Variants in DHRS9 observed in about 807,000 individuals in gnomAD.
The protein encoded by DHRS9 is dehydrogenase/reductase SDR family member 9.
A neutral mutation model predicts 26.6 loss-of-function variants in DHRS9; 18 were observed. That is an observed-to-expected ratio of 0.68 (90% confidence interval 0.47 to 1.00). The LOEUF (loss-of-function observed/expected upper bound fraction) is 1.00. Ranked by LOEUF, DHRS9 falls within the 50% of genes least tolerant of loss-of-function variation. DHRS9 has a pLI of 0.00. For synonymous variants in DHRS9, 134 were observed against 141.1 expected, an observed-to-expected ratio of 0.95 and a Z score of 0.36; for missense variants, 425 against 378.7, an observed-to-expected ratio of 1.12 and a Z score of -1.01.
intron 1 of DHRS9, among the ~76,000 whole-genome samples, chr2:169,079,906 G>A (rs369761969): frequency 4.1e-5 from 3 of 72,366 alleles, no homozygotes; most frequent in African/African-American, 1.7e-4. Context: ...AGGGAGGGAG[G>A]GAGGGAGGGA....
At chr2:169,092,717 G>C (rs1246649921) in intron 4 of DHRS9, among the ~76,000 whole-genome samples, 2 of 152,142 alleles carry the variant, frequency 1.3e-5, no homozygotes, top group Non-Finnish European at 2.9e-5. Context: ...GAAGACACCA[G>C]GAGCCTTCCT....
intron 4 of DHRS9, among the ~76,000 whole-genome samples, chr2:169,094,494 C>A (rs1027254946): frequency 2.7e-5 from 4 of 150,552 alleles, no homozygotes; most frequent in African/African-American, 9.7e-5. Context: ...CCAAAGAAAT[C>A]ATTGCCCAGA....
chr2:169,078,289 G>T (rs552631043), intron 1 of DHRS9, among the ~76,000 whole-genome samples: 20 of 152,080 alleles, frequency 1.3e-4, no homozygotes, highest in South Asian at 2.1e-4. Flanking sequence ...TGACTCCCTC[G>T]TGCATGCCCC....
At chr2:169,070,085 T>G (rs566071019) in intron 1 of DHRS9, 4 of 985,418 alleles carry the variant, frequency 4.1e-6, no homozygotes, top group East Asian at 2.3e-4. Flanking sequence ...ACAGGATTCT[T>G]AGATGAGTTT....
intron 1 of DHRS9, among the ~76,000 whole-genome samples, chr2:169,077,921 C>T (rs981414908): frequency 6.6e-6 from 1 of 152,220 alleles, no homozygotes; most frequent in Non-Finnish European, 1.5e-5. Flanking sequence ...GTAGCCACAA[C>T]TATTTCAGAT....
chr2:169,073,203 A>G (rs1174878553), intron 1 of DHRS9, among the ~76,000 whole-genome samples: 1 of 152,212 alleles, frequency 6.6e-6, no homozygotes, highest in Non-Finnish European at 1.5e-5. Flanking sequence ...GTATATGCAG[A>G]GCCCAGAGTT....
rs940193842 is a variant in DHRS9 at position 169,095,599 on chromosome 2, G to A, written c.792G>A (p.Val264=). Residue 264 remains valine, a synonymous_variant, in exon 5 of 5, where the codon GTG becomes GTA. Transcript: ENST00000674881. ...KSYVNMDLSP[V]VECMDHALTS... ...ATGTGAACATGGACCTCTCTCCGGT[G>A]GTAGAGTGCATGGACCACGCTCTAA... The A allele has an allele frequency of 1.2e-6, 2 of 1,613,888 alleles. No homozygotes were observed. Among genetic ancestry groups the A allele is most frequent in the Admixed American group, 1.7e-5 (1 of 59,990 alleles).
intron 1 of DHRS9, among the ~76,000 whole-genome samples, chr2:169,072,315 A>T (rs1683832265): frequency 6.6e-6 from 1 of 152,094 alleles, no homozygotes. Context: ...GATTCTACAA[A>T]CTCCTGACAG....
rs79762330 is a variant in DHRS9, at chr2:169,088,169, T to C, written c.573-3621T>C. ...TTGCTGGCACTCAGGTTCCAGCTAC[T>C]GAAATGGGCAATTCCTCCTCCGGCT... is the stretch of plus-strand genomic sequence containing the variant. On this transcript the variant is annotated intron_variant, in intron 3 of 4. Coordinates refer to ENST00000674881, the MANE Select transcript of DHRS9 (RefSeq NM_001376924.1). 2.3e-3 allele frequency among the ~76,000 whole-genome samples: 347 copies of C among 152,342 alleles called. 8 individuals carry two copies. In the East Asian group the frequency reaches 0.059, roughly 26 times the overall value.
At chr2:169,078,905 C>T (rs1172131164) in intron 1 of DHRS9, among the ~76,000 whole-genome samples, 1 of 146,992 alleles carries the variant, frequency 6.8e-6, no homozygotes, top group African/African-American at 2.5e-5. Flanking sequence ...CTCACTACAA[C>T]CTCCACCTTC....
chr2:169,085,315 G>A (rs1684317271), intron 3 of DHRS9, among the ~76,000 whole-genome samples: 1 of 152,010 alleles, frequency 6.6e-6, no homozygotes, highest in Admixed American at 6.6e-5. Flanking sequence ...GCTACTCTGG[G>A]TCTTTTGTGT....
At chr2:169,079,681 C>A (rs1430867502) in intron 1 of DHRS9, among the ~76,000 whole-genome samples, 7 of 151,482 alleles carry the variant, frequency 4.6e-5, no homozygotes, top group Non-Finnish European at 8.8e-5. Context: ...TGGAGAAACC[C>A]CACCTCTACT....
At chr2:169,067,527 G>C (rs1431808253), upstream of DHRS9, among the ~76,000 whole-genome samples, 1 of 152,136 alleles carries the variant, frequency 6.6e-6, no homozygotes, top group Non-Finnish European at 1.5e-5. Context: ...CCTTACCACT[G>C]TATACTTACA....
At chr2:169,078,231 G>GA (rs1354346891) in intron 1 of DHRS9, among the ~76,000 whole-genome samples, 1 of 152,182 alleles carries the variant, frequency 6.6e-6, no homozygotes, top group Non-Finnish European at 1.5e-5. Context: ...ACCTGTGTGT[G>GA]AAAGCACAGC....
Position 169,091,827 on chromosome 2 carries a change from A to G in DHRS9, c.610A>G (p.Ile204Val). 1 of 1,613,940 alleles carries G rather than the reference A, an allele frequency of 6.2e-7. No individual in the cohort carries two copies. Among genetic ancestry groups the G allele is most frequent in the Non-Finnish European group, 8.5e-7 (1 of 1,179,868 alleles). The change falls in exon 4 of 5, where the codon ATT becomes GTT. Residue 204 changes from isoleucine (I) to valine (V), a missense_variant. By Grantham distance (29) the Ile-to-Val change is conservative. Coordinates refer to ENST00000674881, the MANE Select transcript of DHRS9 (RefSeq NM_001376924.1). ...AGCTTTTGGTGTGCACGTCTCATGCATTGAACCAGGATTGTTCAAAACAAA... is the reference window on the plus strand; with the variant it reads ...AGCTTTTGGTGTGCACGTCTCATGCGTTGAACCAGGATTGTTCAAAACAAA... Reference protein sequence around the residue: ...MKAFGVHVSCIEPGLFKTNLA... With the variant: ...MKAFGVHVSCVEPGLFKTNLA...
chr2:169,071,725 A>G (rs998541879), intron 1 of DHRS9, among the ~76,000 whole-genome samples: 3 of 152,172 alleles, frequency 2.0e-5, no homozygotes, highest in African/African-American at 7.2e-5. Context: ...GAGTAAGGGA[A>G]CTTACCCTCC....
intron 3 of DHRS9, among the ~76,000 whole-genome samples, chr2:169,088,190 C>T (rs143132304): frequency 1.4e-4 from 21 of 152,312 alleles, no homozygotes; most frequent in Non-Finnish European, 2.5e-4. Flanking sequence ...ATTCCTCCTC[C>T]GGCTAGGGCT....
chr2:169,090,271 T>C (rs563910000), intron 3 of DHRS9, among the ~76,000 whole-genome samples: 1 of 152,320 alleles, frequency 6.6e-6, no homozygotes, highest in South Asian at 2.1e-4. Flanking sequence ...ATATGGTTTT[T>C]ACTTACCTGG....
intron 3 of DHRS9, among the ~76,000 whole-genome samples, chr2:169,084,274 T>C (rs540298309): frequency 7.2e-5 from 11 of 152,366 alleles, no homozygotes; most frequent in African/African-American, 2.6e-4. Context: ...AAATTTTAGC[T>C]GTTGTGAACA....
Sources: gnomAD v4.1 joint callset for allele counts (sites outside exome capture counted in the v4.1 genomes callset) on GRCh38, gnomAD v4.1.1 for gene constraint, MANE v1.5 for transcripts, NCBI Gene and HGNC (gene_info 2026-07-23, HGNC 2026-07-21) for gene names.